Variants in VTI1A observed in about 807,000 individuals in gnomAD.
The protein encoded by VTI1A is vesicle transport through interaction with t-SNAREs homolog 1A.
In VTI1A, 22 loss-of-function variants were observed where a neutral mutation model predicts 34.9. The ratio of observed to expected loss-of-function variants is 0.63; its 90% CI spans 0.45 to 0.90. VTI1A has a LOEUF of 0.90. VTI1A is among the 40% of genes least tolerant of loss of function. VTI1A has a pLI of 0.00. For synonymous variants in VTI1A, 87 were observed against 97.3 expected, an observed-to-expected ratio of 0.89 and a Z score of 0.62; for missense variants, 268 against 275.6, an observed-to-expected ratio of 0.97 and a Z score of 0.20.
chr10:112,613,242 G>C (rs1351666988), intron 5 of VTI1A, among the ~76,000 whole-genome samples: 2 of 151,888 alleles, frequency 1.3e-5, no homozygotes, highest in African/African-American at 4.8e-5. Context: ...AAAAAAGTTG[G>C]TCTTTTTAAA....
the VTI1A span, among the ~76,000 whole-genome samples, chr10:112,854,307 A>G: frequency 6.6e-6 from 1 of 152,262 alleles, no homozygotes; most frequent in Non-Finnish European, 1.5e-5. Flanking sequence ...GCCCAAGTTC[A>G]GTAGCCCTGT....
chr10:112,821,489 G>C (rs1048739072), downstream of VTI1A, among the ~76,000 whole-genome samples: 1 of 151,990 alleles, frequency 6.6e-6, no homozygotes, highest in African/African-American at 2.4e-5. Flanking sequence ...ATGTTTTTTC[G>C]TGACGAGGCC....
At chr10:112,745,332 C>T (rs1480549484) in intron 7 of VTI1A, among the ~76,000 whole-genome samples, 1 of 151,952 alleles carries the variant, frequency 6.6e-6, no homozygotes, top group East Asian at 1.9e-4. Flanking sequence ...GTCAAATGAA[C>T]ATATCTCTCA....
intron 7 of VTI1A, among the ~76,000 whole-genome samples, chr10:112,670,506 G>A (rs891934924): frequency 6.6e-6 from 1 of 152,140 alleles, no homozygotes; most frequent in African/African-American, 2.4e-5. Flanking sequence ...CGAAACCAAT[G>A]TATTTCTGTC....
intron 5 of VTI1A, among the ~76,000 whole-genome samples, chr10:112,659,052 G>A (rs1489511744): frequency 4.6e-5 from 7 of 152,252 alleles, no homozygotes; most frequent in Middle Eastern, 3.4e-3. Flanking sequence ...TGATTAACTC[G>A]GCTCAGAATG....
the VTI1A span, chr10:112,826,143 AT>A: frequency 6.6e-6 from 1 of 152,144 alleles, no homozygotes; most frequent in African/African-American, 2.4e-5. Flanking sequence ...CCTCTTGGGC[AT>A]TTAGTTGTCT....
At chr10:112,555,742 A>G (rs1424310304) in intron 5 of VTI1A, among the ~76,000 whole-genome samples, 1 of 151,948 alleles carries the variant, frequency 6.6e-6, no homozygotes, top group Middle Eastern at 3.2e-3. Flanking sequence ...CTTCATTATT[A>G]CCCTACTTAT....
In VTI1A at chr10:112,800,422, C is replaced by A. The variant is rs376098370; in HGVS notation, c.561-14868C>A. Among the ~76,000 whole-genome samples, 6 of 152,346 alleles carry A rather than the reference C, an allele frequency of 3.9e-5. No individual in the cohort carries two copies. In the East Asian group the frequency reaches 7.7e-4, roughly 20 times the overall value. Reference sequence around the variant, plus strand: ...GGCACCTGAGGCAGGAGGCTGCCTGCATGTGGGGGTACAGCCAGACAAGGA... The same window carrying A: ...GGCACCTGAGGCAGGAGGCTGCCTGAATGTGGGGGTACAGCCAGACAAGGA... On this transcript the variant is annotated intron_variant, in intron 7 of 7. Coordinates refer to ENST00000393077, the MANE Select transcript of VTI1A (RefSeq NM_145206.4).
intron 5 of VTI1A, among the ~76,000 whole-genome samples, chr10:112,601,410 A>T (rs1361830665): frequency 7.0e-6 from 1 of 143,508 alleles, no homozygotes; most frequent in East Asian, 2.0e-4. Context: ...TAAAATTCTG[A>T]CTCATCAATT....
chr10:112,626,320 AT>A (rs569932203), intron 5 of VTI1A, among the ~76,000 whole-genome samples: 1 of 151,896 alleles, frequency 6.6e-6, no homozygotes, highest in Non-Finnish European at 1.5e-5. Flanking sequence ...CTATATCTTT[AT>A]TTTTTTTAAT....
At chr10:112,635,420 G>C (rs966047473) in intron 5 of VTI1A, among the ~76,000 whole-genome samples, 1 of 152,198 alleles carries the variant, frequency 6.6e-6, no homozygotes, top group African/African-American at 2.4e-5. Context: ...AGGTGGCCAA[G>C]TCTAGAATAT....
At chr10:112,830,850 T>TATATATATA in the VTI1A span, among the ~76,000 whole-genome samples, 5 of 29,814 alleles carry the variant, frequency 1.7e-4, no homozygotes, top group African/African-American at 2.8e-4. Flanking sequence ...TATATATATA[T>TATATATATA]TTTTTTTTTT....
intron 5 of VTI1A, among the ~76,000 whole-genome samples, chr10:112,611,815 C>T (rs777850523): frequency 1.7e-4 from 24 of 141,940 alleles, no homozygotes; most frequent in Non-Finnish European, 2.7e-4. Flanking sequence ...TATCTCAGCT[C>T]ACTGCAAGCT....
intron 5 of VTI1A, among the ~76,000 whole-genome samples, chr10:112,621,944 C>T (rs1845753115): frequency 6.6e-6 from 1 of 152,098 alleles, no homozygotes. Context: ...GTAGTATCAC[C>T]GGGTGCTTCT....
At chr10:112,651,557 C>CCTCA (rs773329998) in intron 5 of VTI1A, among the ~76,000 whole-genome samples, 3 of 152,220 alleles carry the variant, frequency 2.0e-5, no homozygotes, top group Non-Finnish European at 4.4e-5. Context: ...GATCCGCCTG[C>CCTCA]CTCAGCCTCC....
chr10:112,659,110 T>G (rs1847349714), intron 5 of VTI1A, among the ~76,000 whole-genome samples: 2 of 152,220 alleles, frequency 1.3e-5, no homozygotes. Context: ...TCTCAATTCT[T>G]TAAGCACTTT....
intron 7 of VTI1A, among the ~76,000 whole-genome samples, chr10:112,700,128 A>C (rs987771263): frequency 2.9e-5 from 4 of 140,156 alleles, no homozygotes; most frequent in Admixed American, 6.8e-5. Flanking sequence ...AAAAAAAAAA[A>C]AAAAAAACAA....
intron 4 of VTI1A, among the ~76,000 whole-genome samples, chr10:112,536,990 G>A (rs1850650308): frequency 6.6e-6 from 1 of 152,044 alleles, no homozygotes; most frequent in African/African-American, 2.4e-5. Flanking sequence ...GCTTAAGTGT[G>A]CATGTCAATA....
chr10:112,519,472 C>T (rs1186937918), intron 3 of VTI1A, among the ~76,000 whole-genome samples: 1 of 152,086 alleles, frequency 6.6e-6, no homozygotes, highest in African/African-American at 2.4e-5. Flanking sequence ...AATATTCTAG[C>T]TATTGATAGC....
Sources: gnomAD v4.1 joint callset for allele counts (sites outside exome capture counted in the v4.1 genomes callset) on GRCh38, gnomAD v4.1.1 for gene constraint, MANE v1.5 for transcripts, NCBI Gene and HGNC (gene_info 2026-07-23, HGNC 2026-07-21) for gene names.